PDS5A: variants seen among roughly 807,000 people sequenced by gnomAD.
PDS5A encodes the protein PDS5 cohesin associated factor A.
In PDS5A, 42 loss-of-function variants were observed where a neutral mutation model predicts 167.1. The observed-to-expected ratio is 0.25, with a 90% confidence interval of 0.20 to 0.33. The LOEUF (loss-of-function observed/expected upper bound fraction) is 0.33, where lower values mean the gene tolerates loss of function less well. Among genes scored for constraint, PDS5A ranks in the 10% least tolerant of loss-of-function variants. PDS5A has a pLI of 1.00. For missense variants in PDS5A, 1,033 were observed against 1,605.9 expected, an observed-to-expected ratio of 0.64 and a Z score of 6.10; for synonymous variants, 553 against 554.6, an observed-to-expected ratio of 1.00 and a Z score of 0.04.
chr4:39,844,641 G>A lies in PDS5A; in HGVS notation c.3548+15C>T, dbSNP rs757633423. 6.3e-7 allele frequency: 1 copy of A among 1,596,942 alleles called. No homozygotes were observed. Among genetic ancestry groups the A allele is most frequent in the South Asian group, 1.1e-5 (1 of 88,292 alleles). ...AGTGAGTGCTAGTAACAAAATAATT[G>A]GAGAGAAAAGTTGCCTTGATCGATT... On this transcript the variant is annotated intron_variant, in intron 30 of 32. Transcript: ENST00000303538.
chr4:39,863,481 A>G, intron 23 of PDS5A, 22 bp from the exon 24 acceptor site: 1 of 1,564,428 alleles, frequency 6.4e-7, no homozygotes. Flanking sequence ...CAAAAAAGAA[A>G]TAAACATTTC....
At chr4:39,912,982 A>T (rs538980495) in intron 9 of PDS5A, among the ~76,000 whole-genome samples, 2 of 152,202 alleles carry the variant, frequency 1.3e-5, no homozygotes, top group Admixed American at 6.5e-5. Flanking sequence ...TAGGCTGACA[A>T]ATGGCACAGG....
chr4:39,931,499 G>A (rs1012164583), intron 2 of PDS5A, among the ~76,000 whole-genome samples: 2 of 152,138 alleles, frequency 1.3e-5, no homozygotes, highest in African/African-American at 2.4e-5. Flanking sequence ...TTGACTGGGC[G>A]TGGAGGGTGT....
chr4:39,923,903 G>C (rs754686714), intron 5 of PDS5A, among the ~76,000 whole-genome samples: 3 of 152,010 alleles, frequency 2.0e-5, no homozygotes, highest in Non-Finnish European at 2.9e-5. Context: ...GCCACTAGAA[G>C]TTTTAACTCA....
chr4:39,877,463 T>C (rs1049260919), intron 18 of PDS5A, among the ~76,000 whole-genome samples: 13 of 152,174 alleles, frequency 8.5e-5, no homozygotes, highest in African/African-American at 3.1e-4. Context: ...TGGAATGTGA[T>C]TTACAATATT....
chr4:39,861,453 A>G (rs1718993631), intron 26 of PDS5A, among the ~76,000 whole-genome samples: 1 of 152,152 alleles, frequency 6.6e-6, no homozygotes, highest in Non-Finnish European at 1.5e-5. Context: ...GCAAGACTCC[A>G]TCTCGGAAAA....
At position 39,842,069 on chromosome 4, in the gene PDS5A, A is replaced by C; in HGVS notation, c.3549-13T>G. 6.8e-7 allele frequency: 1 copy of C among 1,477,454 alleles called. No homozygotes were observed. Among genetic ancestry groups the C allele is most frequent in the Non-Finnish European group, 9.5e-7 (1 of 1,055,422 alleles). 91.5% of individuals were successfully genotyped at this position (1,477,454 alleles called of 1,614,324 possible). A position where few individuals can be genotyped will look rare whatever the true frequency, so the allele number is the denominator to read the frequency against. On this transcript the variant is annotated splice_polypyrimidine_tract_variant and intron_variant, in intron 30 of 32. Transcript: ENST00000303538. ...TGAACTCTGTTCCCTGTTTAAAACA[A>C]ATAAACCAAGACTTCATATTTCCAT...
At chr4:39,946,148 A>C (rs561409129) in intron 2 of PDS5A, among the ~76,000 whole-genome samples, 5 of 151,048 alleles carry the variant, frequency 3.3e-5, no homozygotes, top group Non-Finnish European at 7.4e-5. Context: ...CAGAGGTTAC[A>C]GTGAGCTGAG....
rs75430749 is a variant in PDS5A at position 39,924,197 on chromosome 4, G to A, written c.528-1449C>T. Among the ~76,000 whole-genome samples, 54 of 152,166 alleles carry A rather than the reference G, an allele frequency of 3.5e-4. 1 individual carries two copies. The East Asian group carries it at 4.2e-3, about 12-fold the overall frequency. On this transcript the variant is annotated intron_variant, in intron 5 of 32. Coordinates refer to ENST00000303538, the MANE Select transcript of PDS5A (RefSeq NM_001100399.2). The stretch of plus-strand genomic sequence containing the variant: ...ATCACTTCAGCCCACCTCAGCTTAC[G>A]GCCAGATATTGACCAGATATCCTGC...
intron 2 of PDS5A, among the ~76,000 whole-genome samples, chr4:39,955,844 G>T (rs1728874219): frequency 6.6e-6 from 1 of 152,076 alleles, no homozygotes; most frequent in African/African-American, 2.4e-5. Flanking sequence ...GGCCGGTGTG[G>T]TGGTTCACAC....
At position 39,844,720 on chromosome 4, in the gene PDS5A, T is replaced by C. The variant is rs1380714925; in HGVS notation, c.3484A>G (p.Thr1162Ala). ...ACATTAATATTGCTTCCAGTCTCAG[T>C]GCCAGTGCTTCTAACATAGGGTTTC... is the stretch of plus-strand genomic sequence containing the variant. ...GRKPYVRSTG[T>A]ETGSNINVNS... is the part of the protein sequence containing the mutation. The change falls in exon 30 of 33, where the codon ACT (threonine) becomes GCT (alanine). Residue 1162 changes from threonine to alanine, a missense_variant. By Grantham distance (58) the Thr-to-Ala change is moderately conservative. Coordinates refer to ENST00000303538, the MANE Select transcript of PDS5A (RefSeq NM_001100399.2). The C allele has an allele frequency of 1.2e-6, 2 of 1,613,568 alleles. No homozygotes were observed. The highest frequency in any genetic ancestry group is 1.7e-6 in the Non-Finnish European group (2 of 1,179,558).
chr4:39,877,192 G>C, intron 18 of PDS5A, 39 bp from the exon 19 acceptor site: 1 of 1,293,342 alleles, frequency 7.7e-7, no homozygotes, highest in Non-Finnish European at 1.0e-6. Context: ...ACAGACAATG[G>C]TTTTAATCCA....
At chr4:39,841,848 A>G (rs1560418655) in intron 31 of PDS5A, 100 bp downstream of exon 31, 1 of 665,352 alleles carries the variant, frequency 1.5e-6, no homozygotes, top group Non-Finnish European at 2.7e-6. Flanking sequence ...TTTAAAATGT[A>G]GCATGTGCAT....
intron 9 of PDS5A, among the ~76,000 whole-genome samples, chr4:39,911,238 ATG>A (rs1723854480): frequency 6.6e-6 from 1 of 152,048 alleles, no homozygotes; most frequent in African/African-American, 2.4e-5. Context: ...AGTGCAGAAA[ATG>A]TGTTACTAGC....
At chr4:39,876,613 G>T (rs1193898118) in intron 19 of PDS5A, among the ~76,000 whole-genome samples, 2 of 151,900 alleles carry the variant, frequency 1.3e-5, no homozygotes, top group Admixed American at 1.3e-4. Flanking sequence ...CCCATTTTTT[G>T]GTAGGATAGC....
chr4:39,948,427 G>T (rs1469806431), intron 2 of PDS5A, among the ~76,000 whole-genome samples: 1 of 143,492 alleles, frequency 7.0e-6, no homozygotes, highest in African/African-American at 2.6e-5. Flanking sequence ...CCGGGTTCAA[G>T]CAATTCTCTG....
intron 26 of PDS5A, among the ~76,000 whole-genome samples, chr4:39,861,409 G>A (rs1439344306): frequency 6.6e-6 from 1 of 152,120 alleles, no homozygotes; most frequent in Non-Finnish European, 1.5e-5. Flanking sequence ...AGTGAGCCAA[G>A]ATCGTGCCAC....
At chr4:39,943,261 T>G (rs895215752) in intron 2 of PDS5A, among the ~76,000 whole-genome samples, 1 of 152,006 alleles carries the variant, frequency 6.6e-6, no homozygotes, top group Non-Finnish European at 1.5e-5. Context: ...TCTTTCAATT[T>G]CATTCAATTT....
chr4:39,823,461 G>C lies in PDS5A; in HGVS notation c.*2024C>G, dbSNP rs1350378074. The C allele has an allele frequency of 6.6e-6, 1 of 152,546 alleles. No homozygotes were observed. The highest frequency in any genetic ancestry group is 1.5e-5 in the Non-Finnish European group (1 of 68,018). 9.4% of individuals were successfully genotyped at this position (152,546 alleles called of 1,614,324 possible). On this transcript the variant is annotated 3_prime_UTR_variant, in exon 33 of 33. Coordinates refer to ENST00000303538, the MANE Select transcript of PDS5A (RefSeq NM_001100399.2). ...ATATGATGTAACACTTGGTAATCTA[G>C]TAAACTGTGATGCCGGGCAATTAAT...
Sources: allele counts gnomAD v4.1 joint callset (sites outside exome capture counted in the v4.1 genomes callset), GRCh38; gene constraint gnomAD v4.1.1; transcripts MANE v1.5; gene names NCBI Gene and HGNC (gene_info 2026-07-23, HGNC 2026-07-21).